Variants in SPATS2 observed in about 807,000 individuals in gnomAD.
SPATS2 encodes the protein spermatogenesis-associated serine-rich protein 2.
In SPATS2, 38 loss-of-function variants were observed where a neutral mutation model predicts 63.7. That is an observed-to-expected ratio of 0.60 (90% CI 0.46 to 0.78). SPATS2 has a LOEUF of 0.78. SPATS2 is among the 30% of genes least tolerant of loss of function. SPATS2 has a pLI of 0.00. For synonymous variants in SPATS2, 207 were observed against 232.9 expected (o/e 0.89, Z 1.01); for missense variants, 588 against 666.2 (o/e 0.88, Z 1.29).
At chr12:49,473,309 G>A (rs1946069618) in intron 3 of SPATS2, among the ~76,000 whole-genome samples, 1 of 151,964 alleles carries the variant, frequency 6.6e-6, no homozygotes, top group African/African-American at 2.4e-5. Context: ...CCAGCTACTC[G>A]GGAGGCTGAG....
intron 2 of SPATS2, among the ~76,000 whole-genome samples, chr12:49,423,187 C>G (rs1945013937): frequency 1.3e-5 from 2 of 151,442 alleles, no homozygotes; most frequent in Non-Finnish European, 2.9e-5. Context: ...GGCTGGAGTG[C>G]AGTGGTGCGA....
intron 10 of SPATS2, among the ~76,000 whole-genome samples, chr12:49,516,310 T>C (rs992088256): frequency 2.0e-5 from 3 of 147,836 alleles, no homozygotes; most frequent in Non-Finnish European, 1.5e-5. Flanking sequence ...CAGTGAGCTG[T>C]GATTGCACCA....
intron 2 of SPATS2, among the ~76,000 whole-genome samples, chr12:49,388,030 C>T (rs1011880129): frequency 6.6e-6 from 1 of 152,170 alleles, no homozygotes; most frequent in Admixed American, 6.5e-5. Flanking sequence ...AATCCTCCTG[C>T]CTCAGCCTGT....
At chr12:49,390,324 G>A (rs2137242228) in intron 2 of SPATS2, among the ~76,000 whole-genome samples, 1 of 152,296 alleles carries the variant, frequency 6.6e-6, no homozygotes, top group Non-Finnish European at 1.5e-5. Flanking sequence ...AATGGTCATA[G>A]ACCTTTTTCC....
intron 2 of SPATS2, among the ~76,000 whole-genome samples, chr12:49,447,250 CTTTTTT>C (rs1311381966): frequency 2.0e-4 from 30 of 150,614 alleles, no homozygotes; most frequent in Admixed American, 1.5e-3. Context: ...TTTTCTTTTT[CTTTTTT>C]TGAGACAGAG....
At chr12:49,474,464 T>C (rs1274380817) in intron 3 of SPATS2, among the ~76,000 whole-genome samples, 1 of 152,234 alleles carries the variant, frequency 6.6e-6, no homozygotes, top group East Asian at 1.9e-4. Context: ...TTCATTTCTG[T>C]ACTTTGAAGC....
At chr12:49,453,910 T>C (rs1011394630) in intron 2 of SPATS2, among the ~76,000 whole-genome samples, 2 of 132,948 alleles carry the variant, frequency 1.5e-5, no homozygotes, top group Non-Finnish European at 3.1e-5. Context: ...TCACCCAGGC[T>C]GGAGTGCAGT....
At chr12:49,444,684 A>G (rs1374211280) in intron 2 of SPATS2, among the ~76,000 whole-genome samples, 4 of 150,404 alleles carry the variant, frequency 2.7e-5, no homozygotes, top group South Asian at 4.2e-4. Context: ...GCTCACTGCA[A>G]CCTCTGCCTC....
At chr12:49,511,652 C>G (rs1175109126) in intron 9 of SPATS2, among the ~76,000 whole-genome samples, 2 of 152,178 alleles carry the variant, frequency 1.3e-5, no homozygotes, top group African/African-American at 4.8e-5. Context: ...CCTCACACCA[C>G]AGGTACTTTT....
At position 49,489,185 on chromosome 12, in the gene SPATS2, C is replaced by T. The variant is rs553985539; in HGVS notation, c.106-280C>T. Among the ~76,000 whole-genome samples the T allele has an allele frequency of 5.9e-5, 9 of 152,206 alleles. No individual in the cohort carries two copies. The South Asian group carries it at 1.7e-3, about 28-fold the overall frequency. ...TTGATGCCACATTAATACCTGATACCGAAATTAAACCACCTTTTCTTTATA... is the reference window on the plus strand; with the variant it reads ...TTGATGCCACATTAATACCTGATACTGAAATTAAACCACCTTTTCTTTATA... On this transcript the variant is annotated intron_variant, in intron 4 of 13. Coordinates refer to ENST00000552918, the MANE Select transcript of SPATS2 (RefSeq NM_023071.4).
At chr12:49,376,640 A>G (rs1423623014) in intron 2 of SPATS2, among the ~76,000 whole-genome samples, 1 of 149,250 alleles carries the variant, frequency 6.7e-6, no homozygotes, top group African/African-American at 2.5e-5. Flanking sequence ...CAAGCAGTCC[A>G]TTGGCTTTGG....
chr12:49,444,407 TG>T (rs1385801964), intron 2 of SPATS2, among the ~76,000 whole-genome samples: 1 of 151,862 alleles, frequency 6.6e-6, no homozygotes, highest in Non-Finnish European at 1.5e-5. Flanking sequence ...TTTGTAGAAA[TG>T]GGGTCTCGCT....
At chr12:49,391,841 A>G (rs1944424131) in intron 2 of SPATS2, among the ~76,000 whole-genome samples, 1 of 152,172 alleles carries the variant, frequency 6.6e-6, no homozygotes. Context: ...TTCTATCTTA[A>G]GTTTGGGCTG....
intron 4 of SPATS2, among the ~76,000 whole-genome samples, chr12:49,487,244 T>A (rs1212591289): frequency 6.6e-6 from 1 of 152,164 alleles, no homozygotes; most frequent in Non-Finnish European, 1.5e-5. Flanking sequence ...CCCAGCACTT[T>A]GGGAGGCCGA....
intron 2 of SPATS2, among the ~76,000 whole-genome samples, chr12:49,391,233 G>A (rs947696484): frequency 1.3e-5 from 2 of 152,200 alleles, no homozygotes; most frequent in Non-Finnish European, 2.9e-5. Context: ...TGTCAAATAT[G>A]CCGGGCGCGG....
At chr12:49,496,747 AT>A in intron 7 of SPATS2, 85 bp from the exon 8 acceptor site, 1 of 1,420,568 alleles carries the variant, frequency 7.0e-7, no homozygotes, top group Non-Finnish European at 9.6e-7. Flanking sequence ...TGCCTCAAAC[AT>A]TTTTACCTGT....
At chr12:49,492,475 G>T (rs2137891540) in intron 6 of SPATS2, among the ~76,000 whole-genome samples, 1 of 152,142 alleles carries the variant, frequency 6.6e-6, no homozygotes, top group Non-Finnish European at 1.5e-5. Context: ...GCGCACCTTG[G>T]CCTCCCAAAG....
chr12:49,513,728 A>G (rs1946791069), intron 9 of SPATS2, among the ~76,000 whole-genome samples: 1 of 152,228 alleles, frequency 6.6e-6, no homozygotes, highest in Admixed American at 6.5e-5. Flanking sequence ...ACTTGGTGCA[A>G]CCATGGTCAG....
chr12:49,389,982 C>T lies in SPATS2; in HGVS notation c.-244+18692C>T, dbSNP rs1944391624. The stretch of plus-strand genomic sequence containing the variant: ...TAATGAAGAAAGCCATTGAAATTGA[C>T]AAGCAACAGGATTGCAAGGAACAAG... On this transcript the variant is annotated intron_variant, in intron 2 of 13. Coordinates refer to ENST00000552918, the MANE Select transcript of SPATS2 (RefSeq NM_023071.4). 4.8e-6 allele frequency: 4 copies of T among 832,458 alleles called. No individual in the cohort carries two copies. The Admixed American group carries it at 5.1e-5, about 11-fold the overall frequency. 51.6% of individuals were successfully genotyped at this position (832,458 alleles called of 1,614,324 possible).
Sources: gnomAD v4.1 joint callset for allele counts (sites outside exome capture counted in the v4.1 genomes callset) on GRCh38, gnomAD v4.1.1 for gene constraint, MANE v1.5 for transcripts, NCBI Gene and HGNC (gene_info 2026-07-23, HGNC 2026-07-21) for gene names.